SASH1: variants seen among roughly 807,000 people sequenced by gnomAD.
SASH1 encodes SAM and SH3 domain-containing protein 1.
A neutral mutation model predicts 125.2 loss-of-function variants in SASH1; 44 were observed. That is an observed-to-expected ratio of 0.35 (90% CI 0.28 to 0.45). The LOEUF (loss-of-function observed/expected upper bound fraction) is 0.45. SASH1 is among the 20% of genes least tolerant of loss of function. SASH1 has a pLI of 1.00. For missense variants in SASH1, 1,426 were observed against 1,614.5 expected (o/e 0.88, Z 2.00); for synonymous variants, 639 against 649.1 (o/e 0.98, Z 0.24).
chr6:148,308,999 G>A (rs185876427), intron 1 of SASH1, among the ~76,000 whole-genome samples: 250 of 146,314 alleles, frequency 1.7e-3, no homozygotes, highest in Non-Finnish European at 5.1e-4. Context: ...CAGGAGACTC[G>A]CTTGAACTCC....
chr6:148,405,806 G>C (rs992108599), intron 2 of SASH1, among the ~76,000 whole-genome samples: 1 of 152,172 alleles, frequency 6.6e-6, no homozygotes, highest in African/African-American at 2.4e-5. Context: ...GTTATGCCTG[G>C]TGGATAAGTT....
At chr6:148,341,085 C>T (rs546839642), upstream of SASH1, among the ~76,000 whole-genome samples, 97 of 152,216 alleles carry the variant, frequency 6.4e-4, no homozygotes, top group Middle Eastern at 0.02. Flanking sequence ...CAGTGAGCTA[C>T]GATTGCAGCA....
At chr6:148,456,873 C>CAATAACAATAATAATAAT (rs1554259875) in intron 4 of SASH1, among the ~76,000 whole-genome samples, 3 of 142,302 alleles carry the variant, frequency 2.1e-5, no homozygotes, top group African/African-American at 5.1e-5. Context: ...TGTCTCATAA[C>CAATAACAATAATAATAAT]AATAATAATA....
At chr6:148,499,010 A>C (rs948076974) in intron 8 of SASH1, among the ~76,000 whole-genome samples, 15 of 147,716 alleles carry the variant, frequency 1.0e-4, no homozygotes, top group Non-Finnish European at 1.3e-4. Flanking sequence ...TTTTGAGTCC[A>C]TTTGAATGTT....
intron 4 of SASH1, among the ~76,000 whole-genome samples, chr6:148,452,747 C>T (rs1296743026): frequency 6.6e-6 from 1 of 152,144 alleles, no homozygotes; most frequent in Non-Finnish European, 1.5e-5. Context: ...CTGGTGAGGG[C>T]AGTGAGTCTG....
intron 2 of SASH1, among the ~76,000 whole-genome samples, chr6:148,414,691 G>T (rs961172289): frequency 6.6e-6 from 1 of 151,922 alleles, no homozygotes; most frequent in African/African-American, 2.4e-5. Context: ...TTTGAGACAG[G>T]GTCTTGTTTT....
At chr6:148,406,905 G>A (rs776661403) in intron 2 of SASH1, among the ~76,000 whole-genome samples, 1 of 151,208 alleles carries the variant, frequency 6.6e-6, no homozygotes, top group African/African-American at 2.4e-5. Flanking sequence ...TCCAAGGGAG[G>A]AGCAGAGAGA....
chr6:148,532,879 G>A lies in SASH1; in HGVS notation c.1647G>A (p.Pro549=), dbSNP rs535057612. The part of the protein sequence containing the change: ...VKSEDGDDEE[P]PYRGPFCGRA... The stretch of plus-strand genomic sequence containing the variant: ...CGGAAGATGGGGATGACGAAGAGCC[G>A]CCTTACCGAGGCCCGTTCTGCGGGC... Residue 549 remains proline, a synonymous_variant, in exon 14 of 20, where the codon CCG becomes CCA. Transcript: ENST00000367467. This position sits in a 1 kb window ranked among gnomAD's most constrained non-coding sequence, Gnocchi z 4.7. 1.8e-5 allele frequency: 29 copies of A among 1,614,092 alleles called. No homozygotes were observed. In the African/African-American group the frequency reaches 2.8e-4, roughly 16 times the overall value.
intron 1 of SASH1, among the ~76,000 whole-genome samples, chr6:148,277,045 T>A (rs747913048): frequency 1.2e-4 from 18 of 152,196 alleles, no homozygotes; most frequent in Admixed American, 7.2e-4. Context: ...CAACACGGTG[T>A]GGTAGACACA....
At chr6:148,399,228 T>A (rs1784075962) in intron 2 of SASH1, among the ~76,000 whole-genome samples, 1 of 146,550 alleles carries the variant, frequency 6.8e-6, no homozygotes, top group Non-Finnish European at 1.5e-5. Flanking sequence ...TTTTTTTTTT[T>A]TTTTTTTTTT....
the SASH1 span, among the ~76,000 whole-genome samples, chr6:148,218,330 A>G: frequency 6.6e-6 from 1 of 152,236 alleles, no homozygotes; most frequent in East Asian, 1.9e-4. Flanking sequence ...ACAGATGGTC[A>G]CACAATAAGA....
rs1300580215 is a variant in SASH1, at chr6:148,529,968, G to A, written c.1429-1558G>A. Among the ~76,000 whole-genome samples, 3 of 151,868 alleles carry A rather than the reference G, an allele frequency of 2.0e-5. No individual in the cohort carries two copies. Among genetic ancestry groups the A allele is most frequent in the East Asian group, 3.9e-4 (2 of 5,168 alleles). ...ACTACAGGCACGTGCCACCATACCC[G>A]GCTAATTATTGTATTTTTAGTAGAG... On this transcript the variant is annotated intron_variant, in intron 12 of 19. Coordinates refer to ENST00000367467, the MANE Select transcript of SASH1 (RefSeq NM_015278.5). This position sits in a 1 kb window ranked among gnomAD's most constrained non-coding sequence, Gnocchi z 4.2.
At chr6:148,511,604 C>T (rs1270275549) in intron 8 of SASH1, among the ~76,000 whole-genome samples, 1 of 152,096 alleles carries the variant, frequency 6.6e-6, no homozygotes, top group East Asian at 1.9e-4. Flanking sequence ...AGGTGTGTTT[C>T]TCAAAAATAA....
chr6:148,366,721 C>G (rs1012045693), intron 1 of SASH1, among the ~76,000 whole-genome samples: 1 of 151,054 alleles, frequency 6.6e-6, no homozygotes, highest in Non-Finnish European at 1.5e-5. Context: ...CCTCAGCCTC[C>G]TGAGTAGCTG....
At chr6:148,433,208 C>T (rs965973621) in intron 2 of SASH1, among the ~76,000 whole-genome samples, 1 of 151,978 alleles carries the variant, frequency 6.6e-6, no homozygotes, top group African/African-American at 2.4e-5. Context: ...TTTTTGATCA[C>T]CTGATTCATT....
intron 2 of SASH1, among the ~76,000 whole-genome samples, chr6:148,431,139 A>C (rs1224834856): frequency 6.6e-6 from 1 of 152,184 alleles, no homozygotes; most frequent in Non-Finnish European, 1.5e-5. Context: ...AAACCTTGGG[A>C]AGAGAAAAGC....
the SASH1 span, among the ~76,000 whole-genome samples, chr6:148,243,462 T>TAATAATAAG: frequency 4.3e-5 from 6 of 139,580 alleles, no homozygotes; most frequent in African/African-American, 1.6e-4. Context: ...ATAATAATAA[T>TAATAATAAG]AATAATAATA....
At chr6:148,431,211 T>C (rs945496432) in intron 2 of SASH1, among the ~76,000 whole-genome samples, 1 of 152,118 alleles carries the variant, frequency 6.6e-6, no homozygotes, top group African/African-American at 2.4e-5. Context: ...TAGATTTTTT[T>C]TTTTTTTGAG....
chr6:148,442,854 A>G (rs1776602994), intron 4 of SASH1, among the ~76,000 whole-genome samples: 1 of 151,562 alleles, frequency 6.6e-6, no homozygotes, highest in Non-Finnish European at 1.5e-5. Flanking sequence ...GCTCACTGCA[A>G]CCTCCACCTC....
Sources: allele counts gnomAD v4.1 joint callset (sites outside exome capture counted in the v4.1 genomes callset), GRCh38; gene constraint gnomAD v4.1.1; non-coding constraint Gnocchi (gnomAD v3.1); transcripts MANE v1.5; gene names NCBI Gene and HGNC (gene_info 2026-07-23, HGNC 2026-07-21).